The following FGF14 variants were observed in gnomAD, a reference collection of about 807,000 sequenced individuals.
FGF14 encodes the protein fibroblast growth factor 14.
A neutral mutation model predicts 25.5 loss-of-function variants in FGF14; 5 were observed. The observed-to-expected ratio is 0.20, with a 90% CI of 0.10 to 0.41. The LOEUF (loss-of-function observed/expected upper bound fraction) is 0.41. FGF14 is among the 10% of genes least tolerant of loss of function. FGF14 has a pLI of 1.00. For missense variants in FGF14, 222 were observed against 320.1 expected (o/e 0.69, Z 2.34); for synonymous variants, 138 against 118.3 (o/e 1.17, Z -1.08).
rs2034556789 is a variant in FGF14 at position 101,713,202 on chromosome 13, A to G, written c.*9629T>C. 5 of 152,326 alleles carry G rather than the reference A, an allele frequency of 3.3e-5. No individual in the cohort carries two copies. In the South Asian group the frequency reaches 1.0e-3, roughly 32 times the overall value. 9.4% of individuals were successfully genotyped at this position (152,326 alleles called of 1,614,324 possible). On this transcript the variant is annotated 3_prime_UTR_variant, in exon 5 of 5. Coordinates refer to ENST00000376143, the MANE Select transcript of FGF14 (RefSeq NM_004115.4). ...CAGTTTCCCTGATATGAAATATCACATAGTTGAGACACATGAACCTGAATC... is the reference window on the plus strand; with the variant it reads ...CAGTTTCCCTGATATGAAATATCACGTAGTTGAGACACATGAACCTGAATC...
At chr13:101,995,332 C>G (rs2039123873) in intron 1 of FGF14, among the ~76,000 whole-genome samples, 2 of 151,972 alleles carry the variant, frequency 1.3e-5, no homozygotes, top group Non-Finnish European at 2.9e-5. Flanking sequence ...AAGGTCATGG[C>G]TTAAGGAAAA....
intron 1 of FGF14, among the ~76,000 whole-genome samples, chr13:102,269,590 T>C (rs2053149767): frequency 6.6e-6 from 1 of 152,190 alleles, no homozygotes; most frequent in Non-Finnish European, 1.5e-5. Context: ...AGTCTCAATA[T>C]GTTGCTCAAG....
rs563140338 is a variant in FGF14, at chr13:101,938,037, C to T, written c.209-62741G>A. 1.8e-4 allele frequency among the ~76,000 whole-genome samples: 28 copies of T among 152,282 alleles called. No homozygotes were observed. The South Asian group carries it at 5.2e-3, about 28-fold the overall frequency. On this transcript the variant is annotated intron_variant, in intron 1 of 4. Coordinates refer to the FGF14 transcript ENST00000376131. ...ATCAAGAAGGCCTGCCTTCATGCAC[C>T]GAATAGACAAGCAATGGCTTTATAC...
chr13:102,292,746 A>C (rs1384920864), intron 1 of FGF14: 1 of 152,210 alleles, frequency 6.6e-6, no homozygotes, highest in African/African-American at 2.4e-5. Context: ...CCACATAATA[A>C]ACAGCAGGAC....
chr13:102,238,836 C>A (rs1021233448), intron 1 of FGF14, among the ~76,000 whole-genome samples: 1 of 152,166 alleles, frequency 6.6e-6, no homozygotes, highest in African/African-American at 2.4e-5. Flanking sequence ...TTACCTCTTG[C>A]TCATTTATGT....
intron 1 of FGF14, among the ~76,000 whole-genome samples, chr13:102,346,669 T>G (rs1295606776): frequency 6.6e-6 from 1 of 151,878 alleles, no homozygotes. Flanking sequence ...TAAAGATGGC[T>G]CATGGGAAAA....
intron 1 of FGF14, among the ~76,000 whole-genome samples, chr13:102,150,436 G>C (rs142230007): frequency 6.6e-6 from 1 of 152,120 alleles, no homozygotes; most frequent in South Asian, 2.1e-4. Flanking sequence ...TTTCTCTAAG[G>C]CATGGCCACT....
At chr13:102,014,163 T>C (rs905932523) in intron 1 of FGF14, among the ~76,000 whole-genome samples, 2 of 152,136 alleles carry the variant, frequency 1.3e-5, no homozygotes, top group East Asian at 3.9e-4. Flanking sequence ...TCACTATTCA[T>C]AGTACCTGAA....
At chr13:102,374,276 T>G (rs562803663) in intron 1 of FGF14, among the ~76,000 whole-genome samples, 1 of 152,128 alleles carries the variant, frequency 6.6e-6, no homozygotes, top group African/African-American at 2.4e-5. Context: ...AATAAACAAT[T>G]TAATCAATTC....
At chr13:102,120,567 C>T (rs1393494226) in intron 1 of FGF14, among the ~76,000 whole-genome samples, 1 of 152,176 alleles carries the variant, frequency 6.6e-6, no homozygotes, top group Non-Finnish European at 1.5e-5. Flanking sequence ...GCTGCTCTGC[C>T]TCCCCTTCCC....
intron 1 of FGF14, among the ~76,000 whole-genome samples, chr13:102,087,403 A>ATTTTT (rs1485606038): frequency 1.6e-4 from 13 of 80,512 alleles, no homozygotes; most frequent in South Asian, 3.6e-4. Context: ...ATAGACTGTA[A>ATTTTT]TTTCTTTTTT....
At chr13:102,332,418 TCA>T (rs2056661094) in intron 1 of FGF14, among the ~76,000 whole-genome samples, 1 of 152,138 alleles carries the variant, frequency 6.6e-6, no homozygotes, top group Non-Finnish European at 1.5e-5. Context: ...AAATCTAAAA[TCA>T]CATTTTTAAT....
chr13:101,951,764 T>G (rs1050572512), intron 1 of FGF14, among the ~76,000 whole-genome samples: 10 of 152,160 alleles, frequency 6.6e-5, no homozygotes, highest in Non-Finnish European at 1.5e-4. Flanking sequence ...TATGTGGCCA[T>G]GTCCTCACAG....
intron 3 of FGF14, among the ~76,000 whole-genome samples, chr13:101,826,049 T>C (rs2042378225): frequency 6.6e-6 from 1 of 152,176 alleles, no homozygotes; most frequent in Non-Finnish European, 1.5e-5. Context: ...ATTCAGTTTA[T>C]ATACAAATGC....
rs554153865 is a variant in FGF14 at position 101,810,820 on chromosome 13, A to G, written c.408+57905T>C. ...TTCTGACTGTCTTGGATTTTCAAAGAAATTTCGGATTCCTGTCCTTTCCGT... is the reference window on the plus strand; with the variant it reads ...TTCTGACTGTCTTGGATTTTCAAAGGAATTTCGGATTCCTGTCCTTTCCGT... On this transcript the variant is annotated intron_variant, in intron 3 of 4. Transcript: ENST00000376143. Among the ~76,000 whole-genome samples the G allele has an allele frequency of 6.6e-5, 10 of 152,248 alleles. No individual in the cohort carries two copies. In the East Asian group the frequency reaches 1.9e-3, roughly 29 times the overall value.
In FGF14 at chr13:102,352,172, A is replaced by G. The variant is rs147946864; in HGVS notation, c.208+49299T>C. On this transcript the variant is annotated intron_variant, in intron 1 of 4. Transcript: ENST00000376131. ...GTGTATTACTGAGCCTTTGAAATGT[A>G]CTGAAAGCTGCAAGTTTATAGATTT... is the stretch of plus-strand genomic sequence containing the variant. 6.0e-3 allele frequency among the ~76,000 whole-genome samples: 918 copies of G among 151,950 alleles called. 6 individuals are homozygous for G. The highest frequency in any genetic ancestry group is 0.02 in the Middle Eastern group (6 of 294).
At chr13:101,905,293 G>C (rs1235566279) in intron 1 of FGF14, among the ~76,000 whole-genome samples, 1 of 152,196 alleles carries the variant, frequency 6.6e-6, no homozygotes, top group African/African-American at 2.4e-5. Flanking sequence ...CAAAGACTTG[G>C]AACCTACCCA....
At chr13:102,346,198 T>C (rs982208427) in intron 1 of FGF14, among the ~76,000 whole-genome samples, 2 of 152,104 alleles carry the variant, frequency 1.3e-5, no homozygotes, top group African/African-American at 4.8e-5. Context: ...GATTCAAAAA[T>C]TGAATGGTAG....
intron 3 of FGF14, among the ~76,000 whole-genome samples, chr13:101,833,670 T>G (rs919316072): frequency 2.6e-5 from 4 of 152,092 alleles, no homozygotes; most frequent in Non-Finnish European, 4.4e-5. Context: ...TATATATGTA[T>G]GTACATACAT....
Sources: allele counts gnomAD v4.1 joint callset (sites outside exome capture counted in the v4.1 genomes callset), GRCh38; gene constraint gnomAD v4.1.1; transcripts MANE v1.5; gene names NCBI Gene and HGNC (gene_info 2026-07-23, HGNC 2026-07-21).